Variants in SERPINE3 observed in about 807,000 individuals in gnomAD.
The protein encoded by SERPINE3 is serpin family E member 3, also known as serpin E3.
Under a neutral mutation model 41.7 loss-of-function variants are expected in SERPINE3, and 43 were observed. That is an observed-to-expected ratio of 1.03 (90% confidence interval 0.81 to 1.33). The LOEUF (loss-of-function observed/expected upper bound fraction) is 1.33. SERPINE3 is among the 40% of genes most tolerant of loss of function. SERPINE3 has a pLI of 0.00. For missense variants in SERPINE3, 440 were observed against 491.7 expected (o/e 0.89, Z 0.99); for synonymous variants, 200 against 192.2 (o/e 1.04, Z -0.34).
chr13:51,361,997 G>A, intron 9 of SERPINE3, 104 bp downstream of exon 9: 1 of 1,610,050 alleles, frequency 6.2e-7, no homozygotes, highest in Admixed American at 1.7e-5. Flanking sequence ...ATTCTTTCTA[G>A]CTGTTTTTAT....
At chr13:51,346,258 T>C (rs1955344542) in intron 4 of SERPINE3, among the ~76,000 whole-genome samples, 1 of 152,148 alleles carries the variant, frequency 6.6e-6, no homozygotes, top group African/African-American at 2.4e-5. Context: ...ACAAAGACCA[T>C]ACCTTGAATA....
At chr13:51,362,310 T>C (rs1269529742) in intron 9 of SERPINE3, 1 of 231,496 alleles carries the variant, frequency 4.3e-6, no homozygotes, top group Non-Finnish European at 8.2e-6. Context: ...GTGATCCTAG[T>C]ATTCTAATGA....
chr13:51,353,973 G>A (rs902706579), intron 6 of SERPINE3: 1 of 152,048 alleles, frequency 6.6e-6, no homozygotes, highest in African/African-American at 2.4e-5. Flanking sequence ...ATATAAAATT[G>A]GTGTAGTGAT....
intron 7 of SERPINE3, 96 bp from the exon 8 acceptor site, chr13:51,361,182 T>C (rs1299984801): frequency 1.2e-6 from 1 of 819,616 alleles, no homozygotes; most frequent in East Asian, 2.7e-5. Flanking sequence ...CATTGGATAC[T>C]ATAAATTTTG....
chr13:51,361,179 T>C, intron 7 of SERPINE3, 99 bp from the exon 8 acceptor site: 1 of 778,450 alleles, frequency 1.3e-6, no homozygotes, highest in South Asian at 1.6e-5. Context: ...CAGCATTGGA[T>C]ACTATAAATT....
rs751671556 is a variant in SERPINE3, at chr13:51,347,066, C to T, written c.532C>T (p.Gln178Ter). Reference protein sequence around the residue: ...SEGPGGWPWEQVSAAFAQLVL... With the variant: ...SEGPGGWPWE ...GGGCCCTGGTGGCTGGCCGTGGGAGCAAGTCAGTGCAGCATTTGCTCAGCT... is the reference window on the plus strand; with the variant it reads ...GGGCCCTGGTGGCTGGCCGTGGGAGTAAGTCAGTGCAGCATTTGCTCAGCT... The change falls in exon 5 of 10, where the codon CAA becomes TAA. Residue 178 changes from glutamine (Q) to a stop codon, truncating the protein, a stop_gained. Coordinates refer to ENST00000681248, the MANE Select transcript of SERPINE3 (RefSeq NM_001386375.1). LOFTEE classifies it high-confidence loss of function. The T allele has an allele frequency of 1.2e-6, 2 of 1,600,748 alleles. No homozygotes were observed. The highest frequency in any genetic ancestry group is 1.3e-5 in the African/African-American group (1 of 74,712).
At position 51,349,097 on chromosome 13, in the gene SERPINE3, G is replaced by A. The variant is rs143941721; in HGVS notation, c.899+686G>A. Among the ~76,000 whole-genome samples the A allele has an allele frequency of 5.9e-5, 9 of 152,242 alleles. No individual in the cohort carries two copies. The East Asian group carries it at 1.5e-3, about 26-fold the overall frequency. On this transcript the variant is annotated intron_variant, in intron 6 of 9. Transcript: ENST00000681248. ...CTCTTAGGGCTTCTTTAAATGATGA[G>A]CTTCTGTGATGTATTTGAAATCAGA...
In SERPINE3 at chr13:51,341,251, C is replaced by T; in HGVS notation, c.160C>T (p.Pro54Ser). The T allele has an allele frequency of 4.3e-6, 7 of 1,613,998 alleles. No homozygotes were observed. Among genetic ancestry groups the T allele is most frequent in the Non-Finnish European group, 5.9e-6 (7 of 1,179,882 alleles). The change falls in exon 3 of 10, where the codon CCT (proline) becomes TCT (serine). Residue 54 changes from proline to serine, a missense_variant. Pro to Ser is a moderately conservative substitution (Grantham distance 74). Coordinates refer to ENST00000681248, the MANE Select transcript of SERPINE3 (RefSeq NM_001386375.1). Reference sequence around the variant, plus strand: ...AAATGAGACGAACTTTGTCATCTCTCCTGCTGGTGTGTCCCTCCCCCTGGA... The same window carrying T: ...AAATGAGACGAACTTTGTCATCTCTTCTGCTGGTGTGTCCCTCCCCCTGGA... Reference protein sequence around the residue: ...CRNETNFVISPAGVSLPLEIL... With the variant: ...CRNETNFVISSAGVSLPLEIL...
At chr13:51,341,429 T>A (rs980537909) in intron 3 of SERPINE3, 82 bp downstream of exon 3, 1 of 1,273,688 alleles carries the variant, frequency 7.9e-7, no homozygotes, top group Non-Finnish European at 1.1e-6. Flanking sequence ...CTGCTCACAC[T>A]CACACTCACT....
At position 51,344,489 on chromosome 13, in the gene SERPINE3, A is replaced by G. The variant is rs756536121; in HGVS notation, c.490+4A>G. On this transcript the variant is annotated splice_donor_region_variant and intron_variant, in intron 4 of 9. Transcript: ENST00000681248. ...GGGGCCTCCAGAGAGACTGCAGGTA[A>G]AAGAAAACTGTACATTTCAACAAGG... The G allele has an allele frequency of 2.6e-6, 4 of 1,560,870 alleles. No homozygotes were observed. In the African/African-American group the frequency reaches 5.4e-5, roughly 21 times the overall value.
rs1444362709 is a variant in SERPINE3, at chr13:51,361,856, T to C, written c.1134T>C (p.Asp378=). 1 of 1,611,660 alleles carries C rather than the reference T, an allele frequency of 6.2e-7. No homozygotes were observed. The highest frequency in any genetic ancestry group is 8.5e-7 in the Non-Finnish European group (1 of 1,178,652). Residue 378 remains aspartate (D), a synonymous_variant, in exon 9 of 10, where the codon GAT becomes GAC. Coordinates refer to ENST00000681248, the MANE Select transcript of SERPINE3 (RefSeq NM_001386375.1). ...CTCGGATTCCTATTTTTAAAGCAGA[T>C]CGGCCATTCATCTATTTCCTGAGAG... ...KRSRIPIFKA[D]RPFIYFLREP...
chr13:51,345,120 GTTGA>G (rs991464847), intron 4 of SERPINE3, among the ~76,000 whole-genome samples: 8 of 152,136 alleles, frequency 5.3e-5, no homozygotes, highest in African/African-American at 1.9e-4. Flanking sequence ...ACTGCTCCCA[GTTGA>G]TTGTCTCAGT....
chr13:51,347,329 G>C, intron 5 of SERPINE3, 95 bp downstream of exon 5: 1 of 1,087,754 alleles, frequency 9.2e-7, no homozygotes, highest in South Asian at 1.4e-5. Context: ...TAAGGGATCG[G>C]GATGTGTTTC....
At chr13:51,350,884 T>C (rs1375421941) in intron 6 of SERPINE3, among the ~76,000 whole-genome samples, 1 of 152,174 alleles carries the variant, frequency 6.6e-6, no homozygotes, top group African/African-American at 2.4e-5. Flanking sequence ...AATTATACAA[T>C]TACATATTGT....
At chr13:51,358,054 T>C (rs977336654) in intron 7 of SERPINE3, among the ~76,000 whole-genome samples, 3 of 152,062 alleles carry the variant, frequency 2.0e-5, no homozygotes, top group African/African-American at 7.2e-5. Flanking sequence ...CAGAGTGGGC[T>C]AGAGGAGACA....
chr13:51,347,181 A>G lies in SERPINE3; in HGVS notation c.647A>G (p.Tyr216Cys), dbSNP rs769460698. 6.8e-6 allele frequency: 11 copies of G among 1,613,818 alleles called. No homozygotes were observed. Among genetic ancestry groups the G allele is most frequent in the Admixed American group, 1.7e-5 (1 of 60,006 alleles). ...CAGATCCTGCCTTTCACCTGTGCCT[A>G]TGGCCTCGTCCTTCAGGTCCCCATG... is the stretch of plus-strand genomic sequence containing the variant. ...DTQILPFTCA[Y>C]GLVLQVPMMH... The change falls in exon 5 of 10, where the codon TAT (tyrosine) becomes TGT (cysteine). Residue 216 changes from tyrosine to cysteine, a missense_variant. Transcript: ENST00000681248.
chr13:51,353,605 T>C (rs1291891025), intron 6 of SERPINE3, among the ~76,000 whole-genome samples: 1 of 152,210 alleles, frequency 6.6e-6, no homozygotes, highest in Non-Finnish European at 1.5e-5. Context: ...GTGTTTTCAG[T>C]ACTTAAGAAA....
intron 4 of SERPINE3, 53 bp downstream of exon 4, chr13:51,344,538 A>G (rs878986536): frequency 1.4e-6 from 2 of 1,397,932 alleles, no homozygotes; most frequent in South Asian, 2.5e-5. Flanking sequence ...CTGCAGAGAC[A>G]GAGTCTCACC....
intron 3 of SERPINE3, among the ~76,000 whole-genome samples, chr13:51,343,902 C>A (rs1331729854): frequency 6.6e-6 from 1 of 152,190 alleles, no homozygotes; most frequent in Non-Finnish European, 1.5e-5. Context: ...GTTTTCCCAG[C>A]CCTAGAATCT....
Sources: gnomAD v4.1 joint callset for allele counts (sites outside exome capture counted in the v4.1 genomes callset) on GRCh38, gnomAD v4.1.1 for gene constraint, MANE v1.5 for transcripts, NCBI Gene and HGNC (gene_info 2026-07-23, HGNC 2026-07-21) for gene names.